TENM3: variants seen among roughly 807,000 people sequenced by gnomAD.
TENM3 encodes the protein teneurin transmembrane protein 3.
In TENM3, 63 loss-of-function variants were observed where a neutral mutation model predicts 255.1. The observed-to-expected ratio is 0.25, with a 90% confidence interval of 0.20 to 0.30. TENM3 has a LOEUF of 0.30. Ranked by LOEUF, TENM3 falls within the 10% of genes least tolerant of loss-of-function variation. The pLI is 1.00. For missense variants in TENM3, 2,929 were observed against 3,461.1 expected (o/e 0.85, Z 3.86); for synonymous variants, 1,306 against 1,322.3 (o/e 0.99, Z 0.27).
chr4:182,549,206 G>A (rs1221662839), intron 3 of TENM3, among the ~76,000 whole-genome samples: 1 of 152,178 alleles, frequency 6.6e-6, no homozygotes, highest in East Asian at 1.9e-4. Flanking sequence ...GCTGGTAGAT[G>A]TTACGGTCAA....
At chr4:182,154,867 TTTTA>T (rs1294404080) in intron 1 of TENM3, among the ~76,000 whole-genome samples, 50 of 152,224 alleles carry the variant, frequency 3.3e-4, no homozygotes, top group Non-Finnish European at 1.3e-4. Context: ...TGGTCATGGA[TTTTA>T]AAAAAGAAAA....
At position 182,559,817 on chromosome 4, in the gene TENM3, A is replaced by G. The variant is rs369365950; in HGVS notation, c.512-41107A>G. Among the ~76,000 whole-genome samples, 444 of 152,278 alleles carry G rather than the reference A, an allele frequency of 2.9e-3. 1 individual carries two copies. The highest frequency in any genetic ancestry group is 9.2e-3 in the African/African-American group (384 of 41,556). Reference sequence around the variant, plus strand: ...AACTAGCCCCATGGTTAATGGGTACAAATAAATAGAATGAATAAGATCTAG... The same window carrying G: ...AACTAGCCCCATGGTTAATGGGTACGAATAAATAGAATGAATAAGATCTAG... On this transcript the variant is annotated intron_variant, in intron 3 of 27. Transcript: ENST00000511685.
At chr4:182,772,062 C>T (rs764241544) in intron 22 of TENM3, among the ~76,000 whole-genome samples, 5 of 152,120 alleles carry the variant, frequency 3.3e-5, no homozygotes, top group Non-Finnish European at 7.3e-5. Flanking sequence ...GACCTCCGTC[C>T]CTCGCCTTCC....
the TENM3 span, among the ~76,000 whole-genome samples, chr4:181,730,019 C>T: frequency 6.6e-6 from 1 of 152,138 alleles, no homozygotes; most frequent in Non-Finnish European, 1.5e-5. Flanking sequence ...CAGTCTCTCG[C>T]GCGGACCAAA....
At chr4:182,583,108 T>C (rs1326438684) in intron 3 of TENM3, among the ~76,000 whole-genome samples, 1 of 152,208 alleles carries the variant, frequency 6.6e-6, no homozygotes, top group African/African-American at 2.4e-5. Context: ...GTGAGATCCC[T>C]AAAGACCACA....
At position 182,306,612 on chromosome 4, in the gene TENM3, G is replaced by A. The variant is rs73869922; in HGVS notation, c.-75-17334G>A. 7.8e-3 allele frequency among the ~76,000 whole-genome samples: 1,182 copies of A among 152,128 alleles called. 15 individuals are homozygous for A. Among genetic ancestry groups the A allele is most frequent in the African/African-American group, 0.027 (1,119 of 41,492 alleles). On this transcript the variant is annotated intron_variant, in intron 1 of 27. Coordinates refer to ENST00000511685, the MANE Select transcript of TENM3 (RefSeq NM_001080477.4). ...TTTATTATTACTGGATAAATATTGTGATACTCCTGGTGCTCTGAACCCCAT... is the reference window on the plus strand; with the variant it reads ...TTTATTATTACTGGATAAATATTGTAATACTCCTGGTGCTCTGAACCCCAT...
chr4:181,461,609 G>A, the TENM3 span, among the ~76,000 whole-genome samples: 10 of 152,002 alleles, frequency 6.6e-5, no homozygotes, highest in African/African-American at 2.4e-4. Context: ...CAATTTCAAG[G>A]TCAATAGTTT....
At chr4:182,638,347 A>ATG (rs1437013888) in intron 5 of TENM3, among the ~76,000 whole-genome samples, 1 of 152,158 alleles carries the variant, frequency 6.6e-6, no homozygotes, top group Non-Finnish European at 1.5e-5. Flanking sequence ...AAACATACAG[A>ATG]TGTGTGTGTC....
chr4:181,466,722 C>T, the TENM3 span, among the ~76,000 whole-genome samples: 6 of 152,026 alleles, frequency 3.9e-5, no homozygotes, highest in Non-Finnish European at 5.9e-5. Context: ...TGAGACAGAA[C>T]ATGTTACTAC....
intron 22 of TENM3, among the ~76,000 whole-genome samples, chr4:182,767,889 G>T (rs1428566571): frequency 6.6e-6 from 1 of 152,190 alleles, no homozygotes; most frequent in Non-Finnish European, 1.5e-5. Flanking sequence ...AACATCTGCT[G>T]CTGTCTTGCC....
the TENM3 span, among the ~76,000 whole-genome samples, chr4:181,566,625 T>A: frequency 6.6e-6 from 1 of 152,148 alleles, no homozygotes; most frequent in Non-Finnish European, 1.5e-5. Context: ...ATCTGGTAAC[T>A]GTCCATGCAG....
At chr4:182,390,969 T>C (rs1768386244) in intron 3 of TENM3, among the ~76,000 whole-genome samples, 1 of 152,202 alleles carries the variant, frequency 6.6e-6, no homozygotes, top group African/African-American at 2.4e-5. Flanking sequence ...GAGATGCTTG[T>C]TCATTTAATA....
chr4:182,115,617 A>C, the TENM3 span, among the ~76,000 whole-genome samples: 1 of 152,316 alleles, frequency 6.6e-6, no homozygotes, highest in Admixed American at 6.5e-5. Flanking sequence ...ATTTCAGAGG[A>C]TATCTAGTTC....
intron 3 of TENM3, 88 bp downstream of exon 3, chr4:182,347,017 TCTCC>T (rs1764871025): frequency 3.1e-6 from 3 of 958,292 alleles, no homozygotes; most frequent in Admixed American, 3.0e-5. Flanking sequence ...TTTTTCTTTC[TCTCC>T]TTCCTCTCAT....
intron 3 of TENM3, among the ~76,000 whole-genome samples, chr4:182,349,213 G>A (rs1014400059): frequency 8.5e-5 from 13 of 152,178 alleles, no homozygotes; most frequent in African/African-American, 2.9e-4. Context: ...CGAAGGTTTG[G>A]TTGTGGTTGT....
chr4:182,745,849 T>C (rs1448952432), intron 19 of TENM3, among the ~76,000 whole-genome samples: 2 of 151,802 alleles, frequency 1.3e-5, no homozygotes, highest in Non-Finnish European at 1.5e-5. Flanking sequence ...TAGAGTTACG[T>C]CTTTATTAAC....
At chr4:181,665,419 C>T in the TENM3 span, among the ~76,000 whole-genome samples, 25 of 152,240 alleles carry the variant, frequency 1.6e-4, no homozygotes, top group African/African-American at 5.3e-4. Context: ...TTCCAAAATG[C>T]TCTACATATT....
intron 3 of TENM3, among the ~76,000 whole-genome samples, chr4:182,440,508 C>T (rs1235315152): frequency 2.6e-5 from 4 of 152,136 alleles, no homozygotes; most frequent in African/African-American, 7.2e-5. Context: ...GCTTTCTACT[C>T]TTCCTGGGCC....
intron 3 of TENM3, among the ~76,000 whole-genome samples, chr4:182,459,914 A>T (rs913487153): frequency 6.6e-6 from 1 of 152,208 alleles, no homozygotes; most frequent in Non-Finnish European, 1.5e-5. Flanking sequence ...TATATTTATT[A>T]AAAAAGTTGA....
Sources: allele counts gnomAD v4.1 joint callset (sites outside exome capture counted in the v4.1 genomes callset), GRCh38; gene constraint gnomAD v4.1.1; transcripts MANE v1.5; gene names NCBI Gene and HGNC (gene_info 2026-07-23, HGNC 2026-07-21).